Variants in ANKRD31 observed in about 807,000 individuals in gnomAD.
ANKRD31 encodes the protein ankyrin repeat domain-containing protein 31.
Under a neutral mutation model 186.0 loss-of-function variants are expected in ANKRD31, and 147 were observed. The ratio of observed to expected loss-of-function variants is 0.79; its 90% CI spans 0.69 to 0.91. ANKRD31 has a LOEUF of 0.91. Among genes scored for constraint, ANKRD31 ranks in the 40% least tolerant of loss-of-function variants. The pLI is 0.00. For missense variants in ANKRD31, 1,986 were observed against 2,148.8 expected (o/e 0.92, Z 1.50); for synonymous variants, 673 against 736.4 (o/e 0.91, Z 1.39).
intron 2 of ANKRD31, chr5:75,225,403 C>T (rs551968504): frequency 6.3e-6 from 1 of 159,480 alleles, no homozygotes; most frequent in Non-Finnish European, 1.4e-5. Context: ...TCAACAAAAT[C>T]CCCAAGGACT....
intron 20 of ANKRD31, among the ~76,000 whole-genome samples, chr5:75,108,437 A>G (rs925272552): frequency 3.9e-5 from 6 of 152,126 alleles, no homozygotes; most frequent in Admixed American, 3.9e-4. Context: ...TGGGTTATGT[A>G]CAAATCCAGA....
At position 75,188,650 on chromosome 5, in the gene ANKRD31, T is replaced by G; in HGVS notation, c.1409-2A>C. On this transcript the variant is annotated splice_acceptor_variant, in intron 9 of 25. Coordinates refer to ENST00000506364, the MANE Select transcript of ANKRD31 (RefSeq NM_001372053.1). LOFTEE classifies it high-confidence loss of function. ...ATATTTTGTTCACCTTCATTTTTTC[T>G]GAAATGAGGGAATGAACAAAAGAAA... 1 of 1,525,570 alleles carries G rather than the reference T, an allele frequency of 6.6e-7. No homozygotes were observed. Among genetic ancestry groups the G allele is most frequent in the African/African-American group, 1.4e-5 (1 of 72,514 alleles). 94.5% of individuals were successfully genotyped at this position (1,525,570 alleles called of 1,614,324 possible).
chr5:75,093,795 A>G (rs1354866198), intron 22 of ANKRD31, among the ~76,000 whole-genome samples: 1 of 152,198 alleles, frequency 6.6e-6, no homozygotes, highest in Non-Finnish European at 1.5e-5. Flanking sequence ...ATCTAGGAAA[A>G]CGATCTTTTA....
At position 75,116,438 on chromosome 5, in the gene ANKRD31, A is replaced by T. The variant is rs1025652431; in HGVS notation, c.4155+128T>A. ...AATAAAAAATAAATAAATAAATAAA[A>T]TAAATAAAAAATTTCTATCTTTGTA... On this transcript the variant is annotated intron_variant, in intron 19 of 25. Coordinates refer to ENST00000506364, the MANE Select transcript of ANKRD31 (RefSeq NM_001372053.1). 1.8e-4 allele frequency: 57 copies of T among 324,754 alleles called. 1 individual carries two copies. The highest frequency in any genetic ancestry group is 8.5e-4 in the African/African-American group (39 of 46,024). The allele number at this position is 324,754 out of a possible 1,614,324, so 20.1% of individuals were successfully genotyped here.
At chr5:75,118,027 T>C (rs1293416215) in intron 18 of ANKRD31, 108 bp downstream of exon 18, 2 of 851,246 alleles carry the variant, frequency 2.3e-6, no homozygotes, top group Non-Finnish European at 3.2e-6. Flanking sequence ...TTAATAAACA[T>C]AGGACACATC....
At chr5:75,154,376 C>A in intron 11 of ANKRD31, 31 bp from the exon 12 acceptor site, 1 of 1,513,500 alleles carries the variant, frequency 6.6e-7, no homozygotes, top group Non-Finnish European at 8.8e-7. Context: ...TAAGGGAACC[C>A]AGATTGAGGG....
chr5:75,092,270 C>T (rs1484200028), intron 22 of ANKRD31, among the ~76,000 whole-genome samples: 2 of 152,156 alleles, frequency 1.3e-5, no homozygotes, highest in Non-Finnish European at 2.9e-5. Flanking sequence ...GTAGGCTAAG[C>T]TGTAGGCAGG....
At chr5:75,236,128 A>C (rs1184027386) in intron 1 of ANKRD31, among the ~76,000 whole-genome samples, 1 of 152,176 alleles carries the variant, frequency 6.6e-6, no homozygotes, top group Non-Finnish European at 1.5e-5. Flanking sequence ...GATTCGTATA[A>C]AACTATTCGT....
chr5:75,188,366 G>C, intron 10 of ANKRD31, 127 bp downstream of exon 10: 1 of 905,274 alleles, frequency 1.1e-6, no homozygotes, highest in Non-Finnish European at 1.6e-6. Context: ...ACTTCAACAG[G>C]AAAATGATCT....
chr5:75,132,265 C>T (rs1749921518), intron 17 of ANKRD31, among the ~76,000 whole-genome samples: 1 of 152,104 alleles, frequency 6.6e-6, no homozygotes, highest in Non-Finnish European at 1.5e-5. Flanking sequence ...ACCTAAAAAC[C>T]TTGAAAGAAG....
At chr5:75,137,613 C>T (rs1309815351) in intron 17 of ANKRD31, among the ~76,000 whole-genome samples, 1 of 152,006 alleles carries the variant, frequency 6.6e-6, no homozygotes, top group Non-Finnish European at 1.5e-5. Context: ...GTTGTGTTTA[C>T]TTTTACTCTC....
intron 5 of ANKRD31, among the ~76,000 whole-genome samples, chr5:75,205,371 A>G (rs563902715): frequency 1.3e-5 from 2 of 152,158 alleles, no homozygotes; most frequent in Non-Finnish European, 2.9e-5. Context: ...CCATTGAGCT[A>G]ACCATTTATC....
intron 3 of ANKRD31, among the ~76,000 whole-genome samples, chr5:75,217,060 C>T (rs1203817811): frequency 6.6e-6 from 1 of 152,086 alleles, no homozygotes; most frequent in South Asian, 2.1e-4. Flanking sequence ...GCCTTGACTT[C>T]TATTTTTATT....
intron 1 of ANKRD31, among the ~76,000 whole-genome samples, chr5:75,231,495 G>A (rs990066627): frequency 3.9e-5 from 6 of 152,146 alleles, no homozygotes; most frequent in Non-Finnish European, 5.9e-5. Context: ...AAGGGATACA[G>A]AGCTATGAAA....
chr5:75,145,865 T>C (rs1240952777), intron 14 of ANKRD31, 122 bp downstream of exon 14: 3 of 839,828 alleles, frequency 3.6e-6, no homozygotes, highest in Non-Finnish European at 3.4e-6. Flanking sequence ...TCTCAAAATA[T>C]GGCCCACATG....
intron 1 of ANKRD31, among the ~76,000 whole-genome samples, chr5:75,232,086 T>C (rs1757986676): frequency 6.6e-6 from 1 of 152,184 alleles, no homozygotes. Context: ...TCTTGGCTCT[T>C]TTCTACTGAC....
At chr5:75,217,420 A>G (rs929648514) in intron 3 of ANKRD31, among the ~76,000 whole-genome samples, 1 of 152,184 alleles carries the variant, frequency 6.6e-6, no homozygotes. Context: ...GGGTGCATAC[A>G]GATTTAGGAC....
rs1431104285 is a variant in ANKRD31, at chr5:75,105,187, G to C, written c.4372C>G (p.Leu1458Val). The C allele has an allele frequency of 6.5e-7, 1 of 1,531,530 alleles. No individual in the cohort carries two copies. Among genetic ancestry groups the C allele is most frequent in the East Asian group, 2.4e-5 (1 of 40,880 alleles). 94.9% of individuals were successfully genotyped at this position (1,531,530 alleles called of 1,614,324 possible). A position where few individuals can be genotyped will look rare whatever the true frequency, so the allele number is the denominator to read the frequency against. Residue 1458 changes from leucine to valine, a missense_variant, in exon 22 of 26, where the codon CTG becomes GTG. Leu to Val is a conservative substitution (Grantham distance 32). Transcript: ENST00000506364. ...VSIESFKHGA[L>V]REQLANLAAR... ...GCCAAGTTGGCCAATTGTTCTCTCA[G>C]GGCTCCATGCTTAAATGACTCTATG...
chr5:75,227,082 C>A (rs1419587072), intron 2 of ANKRD31, among the ~76,000 whole-genome samples: 1 of 152,124 alleles, frequency 6.6e-6, no homozygotes, highest in Non-Finnish European at 1.5e-5. Context: ...TATATATACA[C>A]AGTGGAGTAC....
Sources: allele counts gnomAD v4.1 joint callset (sites outside exome capture counted in the v4.1 genomes callset), GRCh38; gene constraint gnomAD v4.1.1; transcripts MANE v1.5; gene names NCBI Gene and HGNC (gene_info 2026-07-23, HGNC 2026-07-21).